Variants in RALYL observed in about 807,000 individuals in gnomAD.
RALYL encodes the protein RNA-binding Raly-like protein.
In RALYL, 29 loss-of-function variants were observed where a neutral mutation model predicts 35.1. The ratio of observed to expected loss-of-function variants is 0.83; its 90% CI spans 0.61 to 1.13. RALYL has a LOEUF of 1.13. RALYL is among the 50% of genes most tolerant of loss of function. RALYL has a pLI of 0.00. For missense variants in RALYL, 359 were observed against 360.4 expected (o/e 1.00, Z 0.03); for synonymous variants, 120 against 127.6 (o/e 0.94, Z 0.40).
chr8:84,760,314 G>C (rs1443049480), intron 2 of RALYL, among the ~76,000 whole-genome samples: 1 of 151,928 alleles, frequency 6.6e-6, no homozygotes, highest in African/African-American at 2.4e-5. Context: ...TAAATTAGGA[G>C]ACCTATAGAA....
intron 2 of RALYL, among the ~76,000 whole-genome samples, chr8:84,732,683 T>TATATATATATATATATATAC: frequency 3.3e-4 from 44 of 133,252 alleles, no homozygotes; most frequent in African/African-American, 1.3e-3. Context: ...TATATATATA[T>TATATATATATATATATATAC]ACACACACAC....
At chr8:84,804,852 C>G in intron 4 of RALYL, 50 bp downstream of exon 4, 1 of 940,038 alleles carries the variant, frequency 1.1e-6, no homozygotes, top group East Asian at 4.1e-5. Flanking sequence ...ATTCAAATTT[C>G]CAAGAACTTC....
intron 7 of RALYL, among the ~76,000 whole-genome samples, chr8:84,885,333 T>G (rs1842781283): frequency 1.3e-5 from 2 of 152,090 alleles, no homozygotes; most frequent in Non-Finnish European, 2.9e-5. Flanking sequence ...CAGTTTTACC[T>G]TCTTAAATTG....
At chr8:84,827,116 A>G (rs192754496) in intron 4 of RALYL, among the ~76,000 whole-genome samples, 103 of 152,268 alleles carry the variant, frequency 6.8e-4, no homozygotes, top group African/African-American at 2.0e-3. Context: ...AAAGTTTGAA[A>G]TATGAACTTA....
intron 4 of RALYL, among the ~76,000 whole-genome samples, chr8:84,808,206 C>T (rs1183794656): frequency 1.3e-5 from 2 of 152,212 alleles, no homozygotes; most frequent in Non-Finnish European, 2.9e-5. Flanking sequence ...GATCCAGTTT[C>T]ATTCTCCTAC....
intron 3 of RALYL, among the ~76,000 whole-genome samples, chr8:84,804,361 A>G (rs1465939576): frequency 6.6e-6 from 1 of 152,212 alleles, no homozygotes; most frequent in Non-Finnish European, 1.5e-5. Flanking sequence ...TGAGTAAATC[A>G]GTTATTCAAC....
chr8:84,474,157 C>CA (rs1420920113), intron 1 of RALYL, among the ~76,000 whole-genome samples: 1 of 151,918 alleles, frequency 6.6e-6, no homozygotes, highest in Non-Finnish European at 1.5e-5. Flanking sequence ...ATCTTTAAAA[C>CA]AAAATTAAAC....
intron 2 of RALYL, among the ~76,000 whole-genome samples, chr8:84,658,837 C>A (rs1333860329): frequency 6.6e-6 from 1 of 152,072 alleles, no homozygotes; most frequent in Non-Finnish European, 1.5e-5. Context: ...AAGGAGGGAA[C>A]TACATCTCAG....
chr8:84,752,814 C>G (rs183339944), intron 2 of RALYL, among the ~76,000 whole-genome samples: 3 of 152,316 alleles, frequency 2.0e-5, no homozygotes, highest in Admixed American at 6.5e-5. Context: ...GAGCCTCTGC[C>G]TAGATTTCAA....
chr8:84,312,826 T>C (rs1181800503), intron 1 of RALYL, among the ~76,000 whole-genome samples: 3 of 152,198 alleles, frequency 2.0e-5, no homozygotes, highest in Admixed American at 1.3e-4. Context: ...GGATCTACCA[T>C]TCTGGGGTCT....
chr8:84,391,519 T>C (rs1283756731), intron 1 of RALYL, among the ~76,000 whole-genome samples: 1 of 152,066 alleles, frequency 6.6e-6, no homozygotes, highest in South Asian at 2.1e-4. Flanking sequence ...TCCTTTTCAG[T>C]TCATTGTACT....
intron 2 of RALYL, among the ~76,000 whole-genome samples, chr8:84,575,244 TAAACATAAACATA>T (rs1341840217): frequency 2.6e-5 from 4 of 152,160 alleles, no homozygotes; most frequent in Non-Finnish European, 5.9e-5. Flanking sequence ...TATTTGTTTA[TAAACATAAACATA>T]AAACATAAAC....
intron 2 of RALYL, among the ~76,000 whole-genome samples, chr8:84,547,003 G>A (rs990968303): frequency 6.6e-6 from 1 of 152,014 alleles, no homozygotes; most frequent in East Asian, 1.9e-4. Flanking sequence ...TGTGCAGAAC[G>A]TGCAGGTTTG....
At chr8:84,871,934 TTTTG>T (rs150750358) in intron 6 of RALYL, among the ~76,000 whole-genome samples, 12,871 of 152,176 alleles carry the variant, frequency 0.085, 751 homozygotes, top group Middle Eastern at 0.15. Context: ...TGCATTTTGT[TTTTG>T]TTTTTTTATT....
At chr8:84,669,064 G>A (rs1832670906) in intron 2 of RALYL, among the ~76,000 whole-genome samples, 2 of 151,976 alleles carry the variant, frequency 1.3e-5, no homozygotes, top group African/African-American at 4.8e-5. Context: ...TGTCTTGCAA[G>A]AAACACATAG....
chr8:84,651,874 A>G (rs968916935), intron 2 of RALYL, among the ~76,000 whole-genome samples: 10 of 152,008 alleles, frequency 6.6e-5, no homozygotes, highest in Non-Finnish European at 1.0e-4. Context: ...GAGCAGATCA[A>G]TTGGATTAGG....
chr8:84,562,321 T>C (rs535980595), intron 2 of RALYL, among the ~76,000 whole-genome samples: 1 of 152,040 alleles, frequency 6.6e-6, no homozygotes, highest in African/African-American at 2.4e-5. Flanking sequence ...TGCAGTATTT[T>C]TTTATTCCCT....
chr8:84,440,449 T>G (rs751727523), intron 1 of RALYL, among the ~76,000 whole-genome samples: 1 of 152,142 alleles, frequency 6.6e-6, no homozygotes, highest in East Asian at 1.9e-4. Context: ...CAGGATTGAT[T>G]TGGAGGGATT....
At chr8:84,833,914 C>T (rs1831434034) in intron 4 of RALYL, among the ~76,000 whole-genome samples, 1 of 151,330 alleles carries the variant, frequency 6.6e-6, no homozygotes, top group South Asian at 2.1e-4. Context: ...AATGCTAAGC[C>T]TTCAGTAAAT....
Sources: gnomAD v4.1 joint callset for allele counts (sites outside exome capture counted in the v4.1 genomes callset) on GRCh38, gnomAD v4.1.1 for gene constraint, MANE v1.5 for transcripts, NCBI Gene and HGNC (gene_info 2026-07-23, HGNC 2026-07-21) for gene names.